GLRA3: variants seen among roughly 807,000 people sequenced by gnomAD.
The protein encoded by GLRA3 is glycine receptor subunit alpha-3.
Under a neutral mutation model 60.4 loss-of-function variants are expected in GLRA3, and 44 were observed. The ratio of observed to expected loss-of-function variants is 0.73; its 90% CI spans 0.57 to 0.94. The LOEUF is 0.94. GLRA3 is among the 40% of genes least tolerant of loss of function. The pLI is 0.00. For synonymous variants in GLRA3, 223 were observed against 192.9 expected, an observed-to-expected ratio of 1.16 and a Z score of -1.29; for missense variants, 508 against 564.6, an observed-to-expected ratio of 0.90 and a Z score of 1.02.
intron 3 of GLRA3, among the ~76,000 whole-genome samples, chr4:174,752,264 G>A (rs1169701160): frequency 6.6e-6 from 1 of 152,102 alleles, no homozygotes; most frequent in Admixed American, 6.6e-5. Context: ...AAACACAAGA[G>A]AAGCTGATGC....
chr4:174,825,081 T>C (rs1740910568), intron 1 of GLRA3, among the ~76,000 whole-genome samples: 1 of 152,104 alleles, frequency 6.6e-6, no homozygotes, highest in South Asian at 2.1e-4. Flanking sequence ...GCTTGAGGCA[T>C]TGACTGGACT....
At chr4:174,801,594 A>G (rs1051935463) in intron 1 of GLRA3, among the ~76,000 whole-genome samples, 4 of 152,040 alleles carry the variant, frequency 2.6e-5, no homozygotes, top group African/African-American at 9.7e-5. Context: ...TAACTTTTAC[A>G]TATCATATCC....
chr4:174,671,880 G>A (rs1197747353), intron 7 of GLRA3, among the ~76,000 whole-genome samples: 2 of 152,016 alleles, frequency 1.3e-5, no homozygotes, highest in African/African-American at 4.8e-5. Flanking sequence ...GAAACTCCTA[G>A]CCTCAAGTGA....
At chr4:174,701,194 A>T (rs374862595) in intron 5 of GLRA3, among the ~76,000 whole-genome samples, 16 of 152,074 alleles carry the variant, frequency 1.1e-4, no homozygotes, top group East Asian at 3.9e-4. Flanking sequence ...GAAGCTGATG[A>T]CTCTAAGTTG....
Position 174,804,367 on chromosome 4 carries a change from C to T in GLRA3, c.72-15424G>A, listed in dbSNP as rs185444851. On this transcript the variant is annotated intron_variant, in intron 1 of 9. Transcript: ENST00000274093. Reference sequence around the variant, plus strand: ...CTGGAGAGCACTACAAGTACCTGATCATGTAGTGCCTTACAGATCATATTA... The same window carrying T: ...CTGGAGAGCACTACAAGTACCTGATTATGTAGTGCCTTACAGATCATATTA... 3.9e-5 allele frequency among the ~76,000 whole-genome samples: 6 copies of T among 152,216 alleles called. No homozygotes were observed. In the East Asian group the frequency reaches 1.2e-3, roughly 29 times the overall value.
chr4:174,711,888 G>A (rs1014063177), intron 5 of GLRA3, among the ~76,000 whole-genome samples: 4 of 151,854 alleles, frequency 2.6e-5, no homozygotes, highest in African/African-American at 7.3e-5. Context: ...TTTTTGTGTG[G>A]TATTCTTAGA....
At chr4:174,776,602 A>C (rs1738613522) in intron 2 of GLRA3, among the ~76,000 whole-genome samples, 1 of 152,084 alleles carries the variant, frequency 6.6e-6, no homozygotes, top group South Asian at 2.1e-4. Flanking sequence ...GAAAGCAATC[A>C]AACAAATTAG....
intron 7 of GLRA3, among the ~76,000 whole-genome samples, chr4:174,674,120 A>G (rs932568884): frequency 1.3e-5 from 2 of 152,100 alleles, no homozygotes; most frequent in African/African-American, 4.8e-5. Context: ...TGCCTCTTCT[A>G]TCTGGTCTTC....
chr4:174,803,055 G>A (rs1268864306), intron 1 of GLRA3, among the ~76,000 whole-genome samples: 9 of 152,122 alleles, frequency 5.9e-5, no homozygotes, highest in Admixed American at 5.2e-4. Context: ...CCATTCAATA[G>A]TGAAATATAT....
At chr4:174,816,172 G>A (rs1478773462) in intron 1 of GLRA3, among the ~76,000 whole-genome samples, 3 of 152,102 alleles carry the variant, frequency 2.0e-5, no homozygotes, top group Non-Finnish European at 4.4e-5. Context: ...GTCCATGATG[G>A]GGGAGGACTT....
At chr4:174,812,735 A>T (rs556482274) in intron 1 of GLRA3, among the ~76,000 whole-genome samples, 3 of 152,300 alleles carry the variant, frequency 2.0e-5, no homozygotes, top group South Asian at 4.1e-4. Context: ...GCCATCACTG[A>T]TGTTAACATT....
chr4:174,762,169 G>T (rs980565631), intron 3 of GLRA3, among the ~76,000 whole-genome samples: 6 of 151,962 alleles, frequency 3.9e-5, no homozygotes, highest in Non-Finnish European at 7.4e-5. Flanking sequence ...ATGGGTGGTT[G>T]TTTTCTCTCT....
rs116414284 is a variant in GLRA3 at position 174,677,282 on chromosome 4, C to T, written c.723G>A (p.Thr241=). The change falls in exon 7 of 10, where the codon ACG becomes ACA. Residue 241 remains threonine (T), a synonymous_variant. Transcript: ENST00000274093. ...CCAGATGGAATCGCACTTCTATACACGTAAACTTTCCTAATTGGTGGTAAG... is the reference window on the plus strand; with the variant it reads ...CCAGATGGAATCGCACTTCTATACATGTAAACTTTCCTAATTGGTGGTAAG... ...CTKHYNTGKF[T]CIEVRFHLER... 1.4e-4 allele frequency: 224 copies of T among 1,597,944 alleles called. No homozygotes were observed. In the African/African-American group the frequency reaches 2.8e-3, roughly 20 times the overall value.
In GLRA3 at chr4:174,637,290, C is replaced by T. The variant is rs2110816616; in HGVS notation, c.*6496G>A. 6.6e-6 allele frequency: 1 copy of T among 152,160 alleles called. No homozygotes were observed. The highest frequency in any genetic ancestry group is 2.1e-4 in the South Asian group (1 of 4,816). The allele number at this position is 152,160 out of a possible 1,614,324, so 9.4% of individuals were successfully genotyped here. On this transcript the variant is annotated 3_prime_UTR_variant, in exon 10 of 10. Coordinates refer to ENST00000274093, the MANE Select transcript of GLRA3 (RefSeq NM_006529.4). ...CACTGTATATCATATAAAGATGGTACATGGAAAATATATGGCACATTTTCT... is the reference window on the plus strand; with the variant it reads ...CACTGTATATCATATAAAGATGGTATATGGAAAATATATGGCACATTTTCT...
intron 7 of GLRA3, among the ~76,000 whole-genome samples, chr4:174,670,621 C>T (rs1447107764): frequency 6.6e-6 from 1 of 152,086 alleles, no homozygotes; most frequent in East Asian, 1.9e-4. Context: ...GTTTATGATT[C>T]GGCCATATAC....
Position 174,642,574 on chromosome 4 carries a change from G to A in GLRA3, c.*1212C>T, listed in dbSNP as rs1732652679. The A allele has an allele frequency of 1.1e-5, 11 of 973,480 alleles. No individual in the cohort carries two copies. In the South Asian group the frequency reaches 5.2e-4, roughly 46 times the overall value. The allele number at this position is 973,480 out of a possible 1,614,324, so 60.3% of individuals were successfully genotyped here. A position where few individuals can be genotyped will look rare whatever the true frequency, so the allele number is the denominator to read the frequency against. ...TTACTAATGCTCTGTTTTTGTTGAA[G>A]TAATCCCATGGGGTCATTGAAAAAT... On this transcript the variant is annotated 3_prime_UTR_variant, in exon 10 of 10. Transcript: ENST00000274093.
chr4:174,783,173 C>G (rs1738963120), intron 2 of GLRA3, among the ~76,000 whole-genome samples: 1 of 151,648 alleles, frequency 6.6e-6, no homozygotes, highest in African/African-American at 2.4e-5. Context: ...CGCGTATCTA[C>G]AACTATCTGA....
intron 7 of GLRA3, among the ~76,000 whole-genome samples, chr4:174,673,356 C>G (rs906247134): frequency 1.3e-5 from 2 of 152,038 alleles, no homozygotes; most frequent in Non-Finnish European, 2.9e-5. Flanking sequence ...ATATTGAAAT[C>G]AAATTTATAC....
At chr4:174,750,283 T>C (rs987480287) in intron 3 of GLRA3, among the ~76,000 whole-genome samples, 2 of 152,244 alleles carry the variant, frequency 1.3e-5, no homozygotes, top group African/African-American at 4.8e-5. Context: ...CTAGATGCTG[T>C]GTATTAGCTC....
Sources: gnomAD v4.1 joint callset for allele counts (sites outside exome capture counted in the v4.1 genomes callset) on GRCh38, gnomAD v4.1.1 for gene constraint, MANE v1.5 for transcripts, NCBI Gene and HGNC (gene_info 2026-07-23, HGNC 2026-07-21) for gene names.